Variants in ZNF607 observed in about 807,000 individuals in gnomAD.
ZNF607 encodes the protein zinc finger protein 607.
In ZNF607, 5 loss-of-function variants were observed where a neutral mutation model predicts 12.8. The ratio of observed to expected loss-of-function variants is 0.39; its 90% CI spans 0.20 to 0.82. ZNF607 has a LOEUF of 0.82. Ranked by LOEUF, ZNF607 falls within the 40% of genes least tolerant of loss-of-function variation. ZNF607 has a pLI of 0.39. For synonymous variants in ZNF607, 287 were observed against 276.2 expected, an observed-to-expected ratio of 1.04 and a Z score of -0.39; for missense variants, 851 against 859.2, an observed-to-expected ratio of 0.99 and a Z score of 0.12.
intron 1 of ZNF607, among the ~76,000 whole-genome samples, chr19:37,716,381 G>T (rs962775646): frequency 6.6e-6 from 1 of 152,152 alleles, no homozygotes; most frequent in African/African-American, 2.4e-5. Flanking sequence ...AAACTGATCT[G>T]TTTGGAACTC....
rs1180772347 is a variant in ZNF607 at position 37,719,373 on chromosome 19, C to T, written c.-179G>A. Reference sequence around the variant, plus strand: ...GCCTGTCTCCTAGAGACGGGCCCCTCCTCCGCAGCTCCAGCACCCTAGGGC... The same window carrying T: ...GCCTGTCTCCTAGAGACGGGCCCCTTCTCCGCAGCTCCAGCACCCTAGGGC... On this transcript the variant is annotated 5_prime_UTR_variant, in exon 1 of 5. Coordinates refer to ENST00000355202, the MANE Select transcript of ZNF607 (RefSeq NM_032689.5). 1 of 152,880 alleles carries T rather than the reference C, an allele frequency of 6.5e-6. No homozygotes were observed. The highest frequency in any genetic ancestry group is 2.4e-5 in the African/African-American group (1 of 41,470). The allele number at this position is 152,880 out of a possible 1,614,324, so 9.5% of individuals were successfully genotyped here.
intron 1 of ZNF607, among the ~76,000 whole-genome samples, chr19:37,715,333 G>A (rs1317213022): frequency 6.7e-6 from 1 of 149,972 alleles, no homozygotes; most frequent in Non-Finnish European, 1.5e-5. Flanking sequence ...GGTTTTTTTT[G>A]GCTGGGTGTG....
At chr19:37,707,263 G>A (rs552645786) in intron 4 of ZNF607, among the ~76,000 whole-genome samples, 11 of 152,198 alleles carry the variant, frequency 7.2e-5, no homozygotes, top group African/African-American at 2.6e-4. Context: ...AGGCTGAGAC[G>A]GGTGGATCGC....
intron 3 of ZNF607, 56 bp from the exon 4 acceptor site, chr19:37,708,068 T>A: frequency 7.0e-7 from 1 of 1,423,960 alleles, no homozygotes; most frequent in South Asian, 1.2e-5. Context: ...AGGTAAAATT[T>A]AAAATTACAA....
rs17845437 is a variant in ZNF607 at position 37,698,716 on chromosome 19, G to C, written c.1415C>G (p.Thr472Arg). Residue 472 changes from threonine to arginine, a missense_variant, in exon 5 of 5, where the codon ACA (threonine) becomes AGA (arginine). Coordinates refer to ENST00000355202, the MANE Select transcript of ZNF607 (RefSeq NM_032689.5). ...SYLVIHERIH[T>R]GEKPYVCQEC... ...TTGACATACATAGGGTTTCTCTCCT[G>C]TATGAATTCTCTCATGTATAACAAG... 1 of 1,613,022 alleles carries C rather than the reference G, an allele frequency of 6.2e-7. No individual in the cohort carries two copies. Among genetic ancestry groups the C allele is most frequent in the Non-Finnish European group, 8.5e-7 (1 of 1,179,352 alleles).
chr19:37,699,068 G>A lies in ZNF607; in HGVS notation c.1063C>T (p.Pro355Ser). The part of the protein sequence containing the change: ...AFSSGHQLTA[P>S]HTFESVEKPY... The stretch of plus-strand genomic sequence containing the variant: ...TTCTCAACACTTTCAAATGTATGAG[G>A]TGCAGTAAGTTGATGGCCACTACTA... The change falls in exon 5 of 5, where the codon CCT becomes TCT. Residue 355 changes from proline to serine, a missense_variant. Physicochemically the swap from Pro to Ser is moderately conservative, Grantham distance 74. Transcript: ENST00000355202. 1.2e-6 allele frequency: 2 copies of A among 1,613,982 alleles called. No individual in the cohort carries two copies. Among genetic ancestry groups the A allele is most frequent in the Non-Finnish European group, 1.7e-6 (2 of 1,180,000 alleles).
chr19:37,713,303 C>T (rs568742986), intron 1 of ZNF607, among the ~76,000 whole-genome samples: 116 of 152,166 alleles, frequency 7.6e-4, no homozygotes, highest in African/African-American at 2.7e-3. Flanking sequence ...AAACTTCCTC[C>T]TATTCAGATT....
chr19:37,696,738 G>T lies in ZNF607; in HGVS notation c.*1302C>A. On this transcript the variant is annotated 3_prime_UTR_variant, in exon 5 of 5. Coordinates refer to ENST00000355202, the MANE Select transcript of ZNF607 (RefSeq NM_032689.5). The stretch of plus-strand genomic sequence containing the variant: ...CCAGCTTGCACAGCTCGCTCTGGCC[G>T]TCCCCTGCAGTGGCCAGTGAGTTGG... 1 of 1,057,698 alleles carries T rather than the reference G, an allele frequency of 9.5e-7. No homozygotes were observed. The highest frequency in any genetic ancestry group is 1.3e-5 in the South Asian group (1 of 76,066). The allele number at this position is 1,057,698 out of a possible 1,614,324, so 65.5% of individuals were successfully genotyped here.
chr19:37,699,918 A>G, intron 4 of ZNF607, 23 bp from the exon 5 acceptor site: 1 of 1,505,464 alleles, frequency 6.6e-7, no homozygotes, highest in Non-Finnish European at 8.9e-7. Context: ...AAATAAAAAC[A>G]TTTTATTGGA....
intron 4 of ZNF607, among the ~76,000 whole-genome samples, chr19:37,700,767 T>G (rs2045032443): frequency 6.6e-6 from 1 of 152,108 alleles, no homozygotes; most frequent in African/African-American, 2.4e-5. Flanking sequence ...CAGAATGTGA[T>G]GGGTTAGGAA....
Position 37,697,821 on chromosome 19 carries a change from T to C in ZNF607, c.*219A>G. 2.3e-6 allele frequency: 1 copy of C among 428,662 alleles called. No homozygotes were observed. The highest frequency in any genetic ancestry group is 4.1e-6 in the Non-Finnish European group (1 of 245,394). The allele number at this position is 428,662 out of a possible 1,614,324, so 26.6% of individuals were successfully genotyped here. On this transcript the variant is annotated 3_prime_UTR_variant, in exon 5 of 5. Coordinates refer to ENST00000355202, the MANE Select transcript of ZNF607 (RefSeq NM_032689.5). ...TTCTTATGTTATTAAAAAAATACAT[T>C]ATAAATTCTCTGAATCTGAGTTAAC... is the stretch of plus-strand genomic sequence containing the variant.
Position 37,698,981 on chromosome 19 carries a change from G to C in ZNF607, c.1150C>G (p.Gln384Glu). The change falls in exon 5 of 5, where the codon CAG becomes GAG. Residue 384 changes from glutamine (Q) to glutamate (E), a missense_variant. Physicochemically the swap from Gln to Glu is conservative, Grantham distance 29. Coordinates refer to ENST00000355202, the MANE Select transcript of ZNF607 (RefSeq NM_032689.5). ...GGTTTCTTACCACTATGAATACCCT[G>C]ATGTCGAGTAAGTCGTCCATGCACA... ...FSVHGRLTRH[Q>E]GIHSGKKPYE... 6.2e-7 allele frequency: 1 copy of C among 1,613,880 alleles called. No individual in the cohort carries two copies. The highest frequency in any genetic ancestry group is 8.5e-7 in the Non-Finnish European group (1 of 1,179,984).
Position 37,698,265 on chromosome 19 carries a change from A to T in ZNF607, c.1866T>A (p.Cys622Ter). Residue 622 changes from cysteine (C) to a stop codon, truncating the protein, a stop_gained, in exon 5 of 5, where the codon TGT becomes TGA. Transcript: ENST00000355202. LOFTEE classifies it low-confidence loss of function (END_TRUNC). Reference sequence around the variant, plus strand: ...ATGAGGCACAGTGAAATGCCTTCCCACATCTTTTACATTCATAGGGTTTAT... The same window carrying T: ...ATGAGGCACAGTGAAATGCCTTCCCTCATCTTTTACATTCATAGGGTTTAT... Reference protein sequence around the residue: ...TSDKPYECKRCGKAFHCASYL... With the variant: ...TSDKPYECKR 6.2e-7 allele frequency: 1 copy of T among 1,614,184 alleles called. No individual in the cohort carries two copies. The highest frequency in any genetic ancestry group is 8.5e-7 in the Non-Finnish European group (1 of 1,180,030).
At position 37,698,841 on chromosome 19, in the gene ZNF607, G is replaced by A. The variant is rs747387900; in HGVS notation, c.1290C>T (p.Phe430=). Residue 430 remains phenylalanine, a synonymous_variant, in exon 5 of 5, where the codon TTC becomes TTT. Transcript: ENST00000355202. ...PYKCKECGKA[F]SQRAHLAHHN... is the part of the protein sequence containing the mutation. ...GATGGGCAAGGTGTGCACGCTGACT[G>A]AAGGCCTTCCCACATTCCTTACATT... 3.2e-5 allele frequency: 52 copies of A among 1,610,572 alleles called. No homozygotes were observed. Among genetic ancestry groups the A allele is most frequent in the Admixed American group, 1.5e-4 (9 of 59,650 alleles).
intron 4 of ZNF607, among the ~76,000 whole-genome samples, chr19:37,706,186 T>C (rs1204247074): frequency 6.9e-6 from 1 of 144,442 alleles, no homozygotes; most frequent in Non-Finnish European, 1.5e-5. Flanking sequence ...AGAGCAAGAC[T>C]CTATCTCGAA....
At chr19:37,705,479 G>A (rs188495034) in intron 4 of ZNF607, among the ~76,000 whole-genome samples, 23 of 152,176 alleles carry the variant, frequency 1.5e-4, no homozygotes, top group African/African-American at 3.9e-4. Flanking sequence ...GAGGTCAGGC[G>A]TTTGAAACCA....
At position 37,709,798 on chromosome 19, in the gene ZNF607, C is replaced by T; in HGVS notation, c.34G>A (p.Ala12Thr). 6.2e-7 allele frequency: 1 copy of T among 1,613,846 alleles called. No individual in the cohort carries two copies. Among genetic ancestry groups the T allele is most frequent in the African/African-American group, 1.3e-5 (1 of 75,048 alleles). The change falls in exon 3 of 5, where the codon GCC becomes ACC. Residue 12 changes from alanine to threonine, a missense_variant. Ala to Thr is a moderately conservative substitution (Grantham distance 58). Transcript: ENST00000355202. Reference protein sequence around the residue: ...SYGSITFGDVAIDFSHQEWEY... With the variant: ...SYGSITFGDVTIDFSHQEWEY... ...CACTCCTGATGAGAGAAGTCTATGGCCACATCCCCGAATGTTATTGATCCC... is the reference window on the plus strand; with the variant it reads ...CACTCCTGATGAGAGAAGTCTATGGTCACATCCCCGAATGTTATTGATCCC...
Position 37,699,031 on chromosome 19 carries a change from CACTTAT to C in ZNF607, c.1094_1099del (p.Tyr365_Lys366del). The C allele has an allele frequency of 6.2e-7, 1 of 1,614,096 alleles. No individual in the cohort carries two copies. The highest frequency in any genetic ancestry group is 1.1e-5 in the South Asian group (1 of 91,078). On this transcript the variant is annotated inframe_deletion, in exon 5 of 5. Coordinates refer to ENST00000355202, the MANE Select transcript of ZNF607 (RefSeq NM_032689.5). ...ACTAAAGGCTTTCCCACATTCCTCA[CACTTAT>C]AAGGTTTCTCAACACTTTCAAATGT...
At chr19:37,716,108 G>C (rs964448115) in intron 1 of ZNF607, among the ~76,000 whole-genome samples, 3 of 152,160 alleles carry the variant, frequency 2.0e-5, no homozygotes, top group African/African-American at 7.2e-5. Context: ...AGACCTAGTT[G>C]CAACACATTG....
Sources: gnomAD v4.1 joint callset for allele counts (sites outside exome capture counted in the v4.1 genomes callset) on GRCh38, gnomAD v4.1.1 for gene constraint, MANE v1.5 for transcripts, NCBI Gene and HGNC (gene_info 2026-07-23, HGNC 2026-07-21) for gene names.